The following DOCK2 variants were observed in gnomAD, a reference collection of about 807,000 sequenced individuals.
DOCK2 encodes the protein dedicator of cytokinesis 2.
A neutral mutation model predicts 248.9 loss-of-function variants in DOCK2; 87 were observed. The observed-to-expected ratio is 0.35, with a 90% CI of 0.29 to 0.42. The LOEUF (loss-of-function observed/expected upper bound fraction) is 0.42, where lower values mean the gene tolerates loss of function less well. Among genes scored for constraint, DOCK2 ranks in the 10% least tolerant of loss-of-function variants. DOCK2 has a pLI of 1.00. For missense variants in DOCK2, 1,747 were observed against 2,300.2 expected (o/e 0.76, Z 4.92); for synonymous variants, 805 against 821.6 (o/e 0.98, Z 0.35).
intron 33 of DOCK2, 86 bp from the exon 34 acceptor site, chr5:170,027,777 A>G: frequency 7.6e-7 from 1 of 1,309,776 alleles, no homozygotes; most frequent in South Asian, 1.4e-5. Context: ...AGTGCTCCCT[A>G]AAGCTTTGGT....
At chr5:169,810,768 C>T (rs1187243738) in intron 26 of DOCK2, among the ~76,000 whole-genome samples, 4 of 152,118 alleles carry the variant, frequency 2.6e-5, no homozygotes, top group Non-Finnish European at 5.9e-5. Context: ...CAAGCGACTC[C>T]ATCTTGGTTT....
chr5:170,049,664 A>G (rs1756845491), intron 40 of DOCK2, among the ~76,000 whole-genome samples: 1 of 152,186 alleles, frequency 6.6e-6, no homozygotes, highest in African/African-American at 2.4e-5. Flanking sequence ...ATCCCTAACC[A>G]CTACCCCGTA....
chr5:170,059,805 C>T (rs1323697205), intron 44 of DOCK2, among the ~76,000 whole-genome samples: 1 of 152,186 alleles, frequency 6.6e-6, no homozygotes, highest in Non-Finnish European at 1.5e-5. Context: ...ATTTTATAAA[C>T]TCAGCGTTTT....
chr5:169,898,896 T>C (rs948960555), intron 27 of DOCK2, among the ~76,000 whole-genome samples: 1 of 152,066 alleles, frequency 6.6e-6, no homozygotes, highest in Admixed American at 6.5e-5. Flanking sequence ...CAGATGGAAA[T>C]GAGCAACCAC....
chr5:169,655,276 C>G (rs983702359), intron 2 of DOCK2, among the ~76,000 whole-genome samples: 1 of 152,176 alleles, frequency 6.6e-6, no homozygotes, highest in East Asian at 1.9e-4. Flanking sequence ...CTGCTGATAC[C>G]TCCTGCTGCA....
At chr5:169,837,391 C>T (rs903688993) in intron 26 of DOCK2, among the ~76,000 whole-genome samples, 2 of 152,170 alleles carry the variant, frequency 1.3e-5, no homozygotes, top group Admixed American at 1.3e-4. Context: ...GGTTTATCAT[C>T]TTGAAAGTTT....
At chr5:169,708,913 C>A (rs952532159) in intron 15 of DOCK2, among the ~76,000 whole-genome samples, 2 of 152,200 alleles carry the variant, frequency 1.3e-5, no homozygotes, top group African/African-American at 2.4e-5. Flanking sequence ...TGTGCATAGA[C>A]CCTAGGCCCA....
chr5:169,750,419 C>T (rs1465441496), intron 23 of DOCK2, among the ~76,000 whole-genome samples: 1 of 152,230 alleles, frequency 6.6e-6, no homozygotes, highest in Non-Finnish European at 1.5e-5. Flanking sequence ...TTACATTGGT[C>T]ACTTAACTTC....
At chr5:169,693,560 G>A (rs1163762373) in intron 9 of DOCK2, among the ~76,000 whole-genome samples, 1 of 152,172 alleles carries the variant, frequency 6.6e-6, no homozygotes, top group Non-Finnish European at 1.5e-5. Context: ...AAGGAGTCAG[G>A]CAGGCCAGAG....
chr5:169,993,460 C>T (rs946218220), intron 29 of DOCK2, among the ~76,000 whole-genome samples: 1 of 152,104 alleles, frequency 6.6e-6, no homozygotes, highest in Non-Finnish European at 1.5e-5. Flanking sequence ...TGCTATTTCA[C>T]AAGGGAGGAG....
intron 27 of DOCK2, among the ~76,000 whole-genome samples, chr5:169,951,638 C>T (rs1303591839): frequency 6.6e-6 from 1 of 152,106 alleles, no homozygotes; most frequent in African/African-American, 2.4e-5. Flanking sequence ...TTGAGAATAG[C>T]ATTATGATGA....
intron 6 of DOCK2, among the ~76,000 whole-genome samples, chr5:169,675,197 T>C (rs1759263670): frequency 6.6e-6 from 1 of 152,216 alleles, no homozygotes. Flanking sequence ...AATCTGAACT[T>C]AGACCCAGGC....
At chr5:169,642,945 G>A (rs1451893963) in intron 1 of DOCK2, among the ~76,000 whole-genome samples, 1 of 147,710 alleles carries the variant, frequency 6.8e-6, no homozygotes, top group Non-Finnish European at 1.5e-5. Flanking sequence ...CTTTGGATTT[G>A]TTTTTTTTTT....
chr5:170,046,519 C>T (rs1756717703), intron 39 of DOCK2, among the ~76,000 whole-genome samples: 1 of 152,204 alleles, frequency 6.6e-6, no homozygotes, highest in South Asian at 2.1e-4. Flanking sequence ...AGGGACCCCT[C>T]TTAGCCCACT....
chr5:169,711,715 A>G (rs1456725045), intron 15 of DOCK2, among the ~76,000 whole-genome samples: 3 of 152,162 alleles, frequency 2.0e-5, no homozygotes, highest in African/African-American at 7.2e-5. Flanking sequence ...TTGGCTGGGA[A>G]TGCAATTTGC....
At chr5:169,895,988 A>T (rs1415101015) in intron 27 of DOCK2, among the ~76,000 whole-genome samples, 1 of 152,164 alleles carries the variant, frequency 6.6e-6, no homozygotes, top group Non-Finnish European at 1.5e-5. Flanking sequence ...CCTTTATGTG[A>T]ATGCTATGAT....
At chr5:169,927,599 A>C (rs1775526973) in intron 27 of DOCK2, among the ~76,000 whole-genome samples, 1 of 152,256 alleles carries the variant, frequency 6.6e-6, no homozygotes. Context: ...CTGTGTGATC[A>C]GGAGGTAAAA....
intron 22 of DOCK2, among the ~76,000 whole-genome samples, chr5:169,739,341 C>A (rs969083217): frequency 2.6e-5 from 4 of 152,130 alleles, no homozygotes; most frequent in African/African-American, 9.7e-5. Context: ...TTGTATGTGA[C>A]CTTCAGTTAG....
At chr5:169,712,095 C>T in intron 16 of DOCK2, 25 bp from the exon 17 acceptor site, 1 of 1,613,920 alleles carries the variant, frequency 6.2e-7, no homozygotes, top group Non-Finnish European at 8.5e-7. Flanking sequence ...CATTTTCTTT[C>T]CTGACCCCAC....
Sources: gnomAD v4.1 joint callset for allele counts (sites outside exome capture counted in the v4.1 genomes callset) on GRCh38, gnomAD v4.1.1 for gene constraint, MANE v1.5 for transcripts, NCBI Gene and HGNC (gene_info 2026-07-23, HGNC 2026-07-21) for gene names.